The following RBMS1 variants were observed in gnomAD, a reference collection of about 807,000 sequenced individuals.
RBMS1 encodes RNA-binding motif, single-stranded-interacting protein 1.
A neutral mutation model predicts 62.3 loss-of-function variants in RBMS1; 17 were observed. That is an observed-to-expected ratio of 0.27 (90% CI 0.19 to 0.41). The LOEUF is 0.41. Ranked by LOEUF, RBMS1 falls within the 10% of genes least tolerant of loss-of-function variation. The pLI is 1.00. For missense variants in RBMS1, 334 were observed against 504.5 expected (o/e 0.66, Z 3.24); for synonymous variants, 172 against 170.0 (o/e 1.01, Z -0.09).
chr2:160,357,589 C>T (rs1362481972), intron 2 of RBMS1, among the ~76,000 whole-genome samples: 1 of 151,992 alleles, frequency 6.6e-6, no homozygotes, highest in African/African-American at 2.4e-5. Context: ...ATTAAAATTC[C>T]CTGACGTGCA....
intron 1 of RBMS1, among the ~76,000 whole-genome samples, chr2:160,391,501 T>G (rs1694863147): frequency 6.6e-6 from 1 of 152,120 alleles, no homozygotes; most frequent in South Asian, 2.1e-4. Flanking sequence ...AATACTCAGG[T>G]GCTTCGGTAG....
chr2:160,455,718 C>G (rs1381542461), intron 1 of RBMS1, among the ~76,000 whole-genome samples: 5 of 138,284 alleles, frequency 3.6e-5, no homozygotes, highest in Non-Finnish European at 7.6e-5. Context: ...GAGTCTCGCT[C>G]TGTCGCCCAG....
At chr2:160,311,238 A>ATCTATATATATATCTATATC (rs1287458681) in intron 4 of RBMS1, among the ~76,000 whole-genome samples, 1 of 119,248 alleles carries the variant, frequency 8.4e-6, no homozygotes, top group African/African-American at 2.9e-5. Flanking sequence ...CTATCTATAT[A>ATCTATATATATATCTATATC]TATATATATA....
rs73002634 is a variant in RBMS1 at position 160,369,890 on chromosome 2, A to G, written c.76-2499T>C. ...TATGACTTAGTTGGAGATTATTTAG[A>G]CATGAAAGTAGTAGGTTTTTTTATT... is the stretch of plus-strand genomic sequence containing the variant. On this transcript the variant is annotated intron_variant, in intron 1 of 13. Coordinates refer to ENST00000348849, the MANE Select transcript of RBMS1 (RefSeq NM_016836.4). 4.4e-3 allele frequency among the ~76,000 whole-genome samples: 671 copies of G among 152,290 alleles called. 2 individuals are homozygous for G. The highest frequency in any genetic ancestry group is 0.015 in the African/African-American group (644 of 41,556).
chr2:160,300,808 T>C, intron 5 of RBMS1, 78 bp from the exon 6 acceptor site: 2 of 1,357,774 alleles, frequency 1.5e-6, no homozygotes, highest in South Asian at 3.7e-5. Flanking sequence ...TGCATAAACA[T>C]TCTTATAGGT....
intron 3 of RBMS1, among the ~76,000 whole-genome samples, chr2:160,315,390 T>C (rs1020832251): frequency 7.2e-5 from 11 of 152,208 alleles, no homozygotes; most frequent in African/African-American, 2.4e-4. Context: ...AAGACGTTTT[T>C]GAAGGCAGGG....
intron 2 of RBMS1, among the ~76,000 whole-genome samples, chr2:160,342,461 A>T (rs1348820524): frequency 5.3e-5 from 8 of 152,160 alleles, no homozygotes; most frequent in Non-Finnish European, 8.8e-5. Flanking sequence ...GCAAGCATCC[A>T]TATCATCTGC....
intron 2 of RBMS1, among the ~76,000 whole-genome samples, chr2:160,357,418 T>C (rs919480806): frequency 6.6e-6 from 1 of 152,192 alleles, no homozygotes; most frequent in Middle Eastern, 3.4e-3. Flanking sequence ...ATAACGAAGA[T>C]TGGCTAAATT....
chr2:160,296,940 T>C (rs1410937280), intron 6 of RBMS1, among the ~76,000 whole-genome samples: 2 of 152,180 alleles, frequency 1.3e-5, no homozygotes, highest in Non-Finnish European at 2.9e-5. Flanking sequence ...TAAATCTTCT[T>C]GATATGGTGA....
chr2:160,439,175 G>T (rs1205568410), intron 1 of RBMS1, among the ~76,000 whole-genome samples: 7 of 151,160 alleles, frequency 4.6e-5, no homozygotes, highest in African/African-American at 1.7e-4. Flanking sequence ...CGGACGGGGC[G>T]GCTGGCCGGA....
Position 160,273,449 on chromosome 2 carries a change from T to C in RBMS1, c.*1323A>G, listed in dbSNP as rs907302621. ...TACTGGTTACTGGCTCTTCGGTCTTTGGTGAAGTTACCTTTAAAAGTGCCA... is the reference window on the plus strand; with the variant it reads ...TACTGGTTACTGGCTCTTCGGTCTTCGGTGAAGTTACCTTTAAAAGTGCCA... On this transcript the variant is annotated 3_prime_UTR_variant, in exon 14 of 14. Transcript: ENST00000348849. The C allele has an allele frequency of 1.3e-5, 2 of 152,242 alleles. No individual in the cohort carries two copies. Among genetic ancestry groups the C allele is most frequent in the African/African-American group, 4.8e-5 (2 of 41,458 alleles). 9.4% of individuals were successfully genotyped at this position (152,242 alleles called of 1,614,324 possible).
At chr2:160,313,581 A>G (rs1364923701) in intron 3 of RBMS1, among the ~76,000 whole-genome samples, 1 of 152,164 alleles carries the variant, frequency 6.6e-6, no homozygotes, top group Non-Finnish European at 1.5e-5. Context: ...AAAAAAAGGA[A>G]GAAAAAAAAT....
chr2:160,415,528 A>G (rs377108080), intron 1 of RBMS1, among the ~76,000 whole-genome samples: 1 of 152,342 alleles, frequency 6.6e-6, no homozygotes, highest in East Asian at 1.9e-4. Context: ...AAAAATCTTT[A>G]TATCGTGGGA....
intron 2 of RBMS1, among the ~76,000 whole-genome samples, chr2:160,327,628 T>A (rs1384964357): frequency 6.6e-6 from 1 of 152,140 alleles, no homozygotes; most frequent in East Asian, 1.9e-4. Flanking sequence ...GTCATTTACA[T>A]TATCTTATGA....
chr2:160,338,270 T>C (rs1295460691), intron 2 of RBMS1, among the ~76,000 whole-genome samples: 1 of 152,194 alleles, frequency 6.6e-6, no homozygotes, highest in Non-Finnish European at 1.5e-5. Context: ...TGAATAAATA[T>C]GTGATGAACT....
chr2:160,408,077 G>A (rs952661939), intron 1 of RBMS1, among the ~76,000 whole-genome samples: 15 of 149,946 alleles, frequency 1.0e-4, no homozygotes, highest in Non-Finnish European at 1.8e-4. Flanking sequence ...CGGGCGGCCC[G>A]GGGAGCAGCC....
rs758171111 is a variant in RBMS1 at position 160,324,895 on chromosome 2, TATATATATATATAC to T, written c.252-6682_252-6669del. Among the ~76,000 whole-genome samples, 47 of 117,512 alleles carry T rather than the reference TATATATATATATAC, an allele frequency of 4.0e-4. 1 individual carries two copies. The highest frequency in any genetic ancestry group is 4.3e-3 in the Middle Eastern group (1 of 234). The allele number at this position is 117,512 out of a possible 152,430, so 77.1% of individuals were successfully genotyped here. A position where few individuals can be genotyped will look rare whatever the true frequency, so the allele number is the denominator to read the frequency against. The stretch of plus-strand genomic sequence containing the variant: ...GTGTGTGTGTGTGTATATATATATA[TATATATATATATAC>T]ACACACACACACACACACACACACA... On this transcript the variant is annotated intron_variant, in intron 2 of 13. Coordinates refer to ENST00000348849, the MANE Select transcript of RBMS1 (RefSeq NM_016836.4).
At chr2:160,385,300 A>G (rs1411152140) in intron 1 of RBMS1, among the ~76,000 whole-genome samples, 2 of 152,210 alleles carry the variant, frequency 1.3e-5, no homozygotes, top group Non-Finnish European at 1.5e-5. Context: ...CTATACATAT[A>G]AAGAGCTTCT....
intron 3 of RBMS1, among the ~76,000 whole-genome samples, chr2:160,317,337 T>C (rs1690281673): frequency 6.6e-6 from 1 of 152,160 alleles, no homozygotes; most frequent in Non-Finnish European, 1.5e-5. Flanking sequence ...AACGAGGAGA[T>C]TTGCCTTCTC....
Sources: gnomAD v4.1 joint callset for allele counts (sites outside exome capture counted in the v4.1 genomes callset) on GRCh38, gnomAD v4.1.1 for gene constraint, MANE v1.5 for transcripts, NCBI Gene and HGNC (gene_info 2026-07-23, HGNC 2026-07-21) for gene names.